The following CREBBP variants were observed in gnomAD, a reference collection of about 807,000 sequenced individuals.
The protein encoded by CREBBP is CREB-binding protein.
CREBBP carries 19 observed loss-of-function variants against 265.0 expected under a neutral mutation model. The observed-to-expected ratio is 0.07, with a 90% CI of 0.05 to 0.11. CREBBP has a LOEUF of 0.11. CREBBP is among the 10% of genes least tolerant of loss of function. The probability of loss-of-function intolerance (pLI) is 1.00; values close to 1 mark genes in which losing one functional copy is unlikely to be tolerated. For synonymous variants in CREBBP, 1,457 were observed against 1,223.7 expected (o/e 1.19, Z -3.98); for missense variants, 2,525 against 3,219.0 (o/e 0.78, Z 5.22).
intron 1 of CREBBP, among the ~76,000 whole-genome samples, chr16:3,867,301 G>A (rs914976918): frequency 3.3e-5 from 5 of 152,054 alleles, no homozygotes; most frequent in African/African-American, 1.2e-4. Flanking sequence ...TTTAAGCCTA[G>A]GCAACATAGC....
chr16:3,763,710 C>T (rs1328501414), intron 16 of CREBBP, among the ~76,000 whole-genome samples: 3 of 152,164 alleles, frequency 2.0e-5, no homozygotes, highest in African/African-American at 2.4e-5. Flanking sequence ...GTGATCCACC[C>T]GCCTCAGCTT....
chr16:3,772,812 G>A (rs571009282), intron 13 of CREBBP, among the ~76,000 whole-genome samples: 157 of 149,912 alleles, frequency 1.0e-3, no homozygotes, highest in African/African-American at 3.8e-3. Flanking sequence ...GCTTACTCCT[G>A]TAATCCCAGC....
intron 14 of CREBBP, 92 bp downstream of exon 14, chr16:3,770,478 G>A: frequency 2.1e-6 from 3 of 1,422,864 alleles, no homozygotes; most frequent in Non-Finnish European, 2.9e-6. Flanking sequence ...TTATAGGTGT[G>A]AACCACCGCG....
intron 1 of CREBBP, among the ~76,000 whole-genome samples, chr16:3,861,187 C>A (rs895381299): frequency 3.9e-5 from 6 of 152,110 alleles, no homozygotes; most frequent in African/African-American, 1.4e-4. Context: ...GAAGCTGAGG[C>A]AGGAGAATCA....
rs11863175 is a variant in CREBBP at position 3,820,679 on chromosome 16, C to T, written c.799-9900G>A. Reference sequence around the variant, plus strand: ...AGGAGTTTGAGACCAACCTGGGCAACGTAGCAAAACCCCCTTCTCTACAAA... The same window carrying T: ...AGGAGTTTGAGACCAACCTGGGCAATGTAGCAAAACCCCCTTCTCTACAAA... On this transcript the variant is annotated intron_variant, in intron 2 of 30. Coordinates refer to ENST00000262367, the MANE Select transcript of CREBBP (RefSeq NM_004380.3). Among the ~76,000 whole-genome samples, 502 of 152,260 alleles carry T rather than the reference C, an allele frequency of 3.3e-3. 4 individuals are homozygous for T. The highest frequency in any genetic ancestry group is 0.011 in the African/African-American group (472 of 41,542).
chr16:3,739,557 T>C, intron 25 of CREBBP, 21 bp downstream of exon 25: 1 of 1,614,152 alleles, frequency 6.2e-7, no homozygotes, highest in Middle Eastern at 1.7e-4. Context: ...TGACACGCCC[T>C]GGAAGGAGCT....
chr16:3,855,570 T>C (rs1020840815), intron 1 of CREBBP, among the ~76,000 whole-genome samples: 1 of 152,190 alleles, frequency 6.6e-6, no homozygotes, highest in African/African-American at 2.4e-5. Context: ...CGGCCATAAC[T>C]GACATTTTTG....
chr16:3,875,470 G>A (rs2055380634), intron 1 of CREBBP, among the ~76,000 whole-genome samples: 1 of 152,140 alleles, frequency 6.6e-6, no homozygotes, highest in African/African-American at 2.4e-5. Context: ...GTCACGCTGA[G>A]GATAACACCA....
chr16:3,822,605 T>G (rs2141384187), intron 2 of CREBBP, among the ~76,000 whole-genome samples: 1 of 152,248 alleles, frequency 6.6e-6, no homozygotes, highest in Middle Eastern at 3.4e-3. Context: ...ATGGCGAATC[T>G]CCTGGACCTC....
chr16:3,773,911 C>T lies in CREBBP; in HGVS notation c.2303G>A (p.Arg768Gln), dbSNP rs754386072. 3.1e-6 allele frequency: 5 copies of T among 1,612,114 alleles called. No homozygotes were observed. The highest frequency in any genetic ancestry group is 1.7e-5 in the Admixed American group (1 of 60,002). Residue 768 changes from arginine to glutamine, a missense_variant, in exon 13 of 31, where the codon CGA (arginine) becomes CAA (glutamine). By Grantham distance (43) the Arg-to-Gln change is conservative. Coordinates refer to ENST00000262367, the MANE Select transcript of CREBBP (RefSeq NM_004380.3). ...SVPGMAISPS[R>Q]MPQPPNMMGA... The stretch of plus-strand genomic sequence containing the variant: ...CATCATGTTCGGAGGCTGAGGCATT[C>T]GGGAAGGAGAAATGGCCATCTACGA...
At position 3,850,683 on chromosome 16, in the gene CREBBP, C is replaced by T. The variant is rs750523670; in HGVS notation, c.412G>A (p.Ala138Thr). The change falls in exon 2 of 31, where the codon GCC (alanine) becomes ACC (threonine). Residue 138 changes from alanine to threonine, a missense_variant. By Grantham distance (58) the Ala-to-Thr change is moderately conservative. This residue lies in a region of CREBBP where 356 missense variants were observed against 340.4 expected (regional missense o/e 1.05). Transcript: ENST00000262367. ...GCGGGGGTGGGCCCAGAGGTGCTGGCTGCCTGTTTAGGCAGGCTGGGGGCT... is the reference window on the plus strand; with the variant it reads ...GCGGGGGTGGGCCCAGAGGTGCTGGTTGCCTGTTTAGGCAGGCTGGGGGCT... The part of the protein sequence containing the change: ...SSAPSLPKQA[A>T]STSGPTPAAS... The T allele has an allele frequency of 3.2e-5, 51 of 1,614,072 alleles. No homozygotes were observed. Among genetic ancestry groups the T allele is most frequent in the Non-Finnish European group, 5.1e-6 (6 of 1,180,064 alleles).
chr16:3,863,516 T>C (rs756527941), intron 1 of CREBBP, among the ~76,000 whole-genome samples: 1 of 152,092 alleles, frequency 6.6e-6, no homozygotes, highest in Non-Finnish European at 1.5e-5. Context: ...CACCGGAGAA[T>C]TGCTGAACTC....
At chr16:3,827,248 T>C (rs1299226520) in intron 2 of CREBBP, among the ~76,000 whole-genome samples, 2 of 152,180 alleles carry the variant, frequency 1.3e-5, no homozygotes, top group African/African-American at 2.4e-5. Context: ...GCATTAATTC[T>C]AATGAAAACA....
chr16:3,872,035 T>C (rs2055310084), intron 1 of CREBBP, among the ~76,000 whole-genome samples: 1 of 152,212 alleles, frequency 6.6e-6, no homozygotes, highest in African/African-American at 2.4e-5. Context: ...TTTTGATTAA[T>C]GGAAATGAAA....
intron 2 of CREBBP, among the ~76,000 whole-genome samples, chr16:3,819,089 G>C (rs564860356): frequency 1.3e-5 from 2 of 152,262 alleles, no homozygotes; most frequent in African/African-American, 4.8e-5. Flanking sequence ...GGCAAAGTGC[G>C]GCCTGTGGGC....
chr16:3,783,313 G>A (rs559581190), intron 5 of CREBBP, among the ~76,000 whole-genome samples: 1 of 152,338 alleles, frequency 6.6e-6, no homozygotes, highest in South Asian at 2.1e-4. Flanking sequence ...ACACCTCTGA[G>A]ATGAACAGAG....
At chr16:3,737,580 C>T (rs538826063) in intron 26 of CREBBP, among the ~76,000 whole-genome samples, 72 of 151,750 alleles carry the variant, frequency 4.7e-4, no homozygotes, top group African/African-American at 1.7e-3. Flanking sequence ...CTGCCCCCAC[C>T]TCCTGAGGAG....
chr16:3,778,682 C>A lies in CREBBP; in HGVS notation c.1941+18G>T, dbSNP rs377665463. ...TACAGATGCTGTAGAGGCCAGAGCA[C>A]GGTAAACAGCAACCTACCCTGCTGT... On this transcript the variant is annotated intron_variant, in intron 9 of 30. Coordinates refer to ENST00000262367, the MANE Select transcript of CREBBP (RefSeq NM_004380.3). 1 of 1,574,878 alleles carries A rather than the reference C, an allele frequency of 6.3e-7. No individual in the cohort carries two copies. The highest frequency in any genetic ancestry group is 8.7e-7 in the Non-Finnish European group (1 of 1,144,820).
intron 2 of CREBBP, among the ~76,000 whole-genome samples, 153 bp downstream of exon 2, chr16:3,850,144 C>T (rs898894672): frequency 5.9e-5 from 9 of 152,172 alleles, no homozygotes; most frequent in African/African-American, 2.2e-4. Flanking sequence ...GATCTTTATC[C>T]TAGAAAGAAA....
Sources: gnomAD v4.1 joint callset for allele counts (sites outside exome capture counted in the v4.1 genomes callset) on GRCh38, gnomAD v4.1.1 for gene constraint, gnomAD v4.1.1 regional missense constraint, MANE v1.5 for transcripts, NCBI Gene and HGNC (gene_info 2026-07-23, HGNC 2026-07-21) for gene names.